CCDC73: variants seen among roughly 807,000 people sequenced by gnomAD.
CCDC73 encodes the protein coiled-coil domain containing 73.
Under a neutral mutation model 116.5 loss-of-function variants are expected in CCDC73, and 95 were observed. The observed-to-expected ratio is 0.82, with a 90% CI of 0.69 to 0.97. The LOEUF (loss-of-function observed/expected upper bound fraction) is 0.97, where lower values mean the gene tolerates loss of function less well. Ranked by LOEUF, CCDC73 falls within the 50% of genes least tolerant of loss-of-function variation. CCDC73 has a pLI of 0.00. For synonymous variants in CCDC73, 398 were observed against 401.3 expected (o/e 0.99, Z 0.10); for missense variants, 1,066 against 1,206.8 (o/e 0.88, Z 1.73).
intron 2 of CCDC73, among the ~76,000 whole-genome samples, chr11:32,757,208 T>C (rs1850351684): frequency 6.6e-6 from 1 of 152,034 alleles, no homozygotes; most frequent in Admixed American, 6.6e-5. Context: ...TACTGAATGA[T>C]TCCCTTTATA....
chr11:32,602,767 G>T lies in CCDC73; in HGVS notation c.*44C>A. On this transcript the variant is annotated 3_prime_UTR_variant, in exon 18 of 18. Transcript: ENST00000335185. ...TTTTATTCTAGTAAAAACTATACCA[G>T]AATTTCAGTTACATAATTTCACTAC... is the stretch of plus-strand genomic sequence containing the variant. 7.5e-7 allele frequency: 1 copy of T among 1,328,192 alleles called. No individual in the cohort carries two copies. The highest frequency in any genetic ancestry group is 1.0e-6 in the Non-Finnish European group (1 of 970,926). 82.3% of individuals were successfully genotyped at this position (1,328,192 alleles called of 1,614,324 possible).
Position 32,749,853 on chromosome 11 carries a change from C to G in CCDC73, c.135+10256G>C, listed in dbSNP as rs116320208. Among the ~76,000 whole-genome samples the G allele has an allele frequency of 1.4e-3, 214 of 151,042 alleles. 1 individual carries two copies. Among genetic ancestry groups the G allele is most frequent in the African/African-American group, 5.1e-3 (208 of 41,096 alleles). ...CTGAATTACCAAGCAGGGACTCATTCTCTCCTCTTACTTTTTTTTTTTTCT... is the reference window on the plus strand; with the variant it reads ...CTGAATTACCAAGCAGGGACTCATTGTCTCCTCTTACTTTTTTTTTTTTCT... On this transcript the variant is annotated intron_variant, in intron 2 of 17. Coordinates refer to ENST00000335185, the MANE Select transcript of CCDC73 (RefSeq NM_001008391.4).
the CCDC73 span, among the ~76,000 whole-genome samples, chr11:32,800,815 A>G: frequency 2.6e-5 from 4 of 152,368 alleles, no homozygotes; most frequent in South Asian, 4.1e-4. Context: ...CTGAGTAGAT[A>G]GTATAACCAT....
In CCDC73 at chr11:32,745,136, T is replaced by C. The variant is rs550792006; in HGVS notation, c.135+14973A>G. Among the ~76,000 whole-genome samples, 13 of 152,316 alleles carry C rather than the reference T, an allele frequency of 8.5e-5. No individual in the cohort carries two copies. The South Asian group carries it at 2.7e-3, about 32-fold the overall frequency. On this transcript the variant is annotated intron_variant, in intron 2 of 17. Transcript: ENST00000335185. The stretch of plus-strand genomic sequence containing the variant: ...TTCTCATTGGTTTCAAAGAACATCT[T>C]TATTTCTGCCTTCATTTCGTTATGG...
intron 9 of CCDC73, among the ~76,000 whole-genome samples, chr11:32,659,319 A>G (rs1855901141): frequency 6.6e-6 from 1 of 152,194 alleles, no homozygotes; most frequent in African/African-American, 2.4e-5. Context: ...GATGATCTAC[A>G]GGTAGTTGAA....
rs1554966618 is a variant in CCDC73, at chr11:32,718,154, C to A, written c.136-7G>T. ...CATAATGAATTTCTGCTTCCTAAGT[C>A]AAAAAGAAAAAGAAAAGTGCTATAA... is the stretch of plus-strand genomic sequence containing the variant. On this transcript the variant is annotated splice_region_variant and splice_polypyrimidine_tract_variant and intron_variant, in intron 2 of 17. Coordinates refer to ENST00000335185, the MANE Select transcript of CCDC73 (RefSeq NM_001008391.4). The A allele has an allele frequency of 1.3e-6, 2 of 1,578,246 alleles. No individual in the cohort carries two copies. Among genetic ancestry groups the A allele is most frequent in the South Asian group, 2.3e-5 (2 of 86,778 alleles).
In CCDC73 at chr11:32,769,707, C is replaced by G. The variant is rs549939565; in HGVS notation, c.-15-9449G>C. 7.9e-5 allele frequency among the ~76,000 whole-genome samples: 12 copies of G among 152,274 alleles called. No homozygotes were observed. The East Asian group carries it at 2.3e-3, about 29-fold the overall frequency. ...CAATCCACTAGACATCTCTATGACT[C>G]AGCAATTGCTCTCTTCCATGTATAT... On this transcript the variant is annotated intron_variant, in intron 1 of 17. Transcript: ENST00000335185.
intron 14 of CCDC73, among the ~76,000 whole-genome samples, chr11:32,620,809 G>A (rs1855517349): frequency 6.6e-6 from 1 of 151,896 alleles, no homozygotes; most frequent in Non-Finnish European, 1.5e-5. Context: ...AGGCTGTTTT[G>A]TCATCTATAA....
At chr11:32,814,262 G>C in the CCDC73 span, among the ~76,000 whole-genome samples, 2 of 152,322 alleles carry the variant, frequency 1.3e-5, no homozygotes, top group East Asian at 3.9e-4. Context: ...TAAGACAGTG[G>C]AAGATGGTGA....
At chr11:32,621,972 G>A (rs1312909603) in intron 14 of CCDC73, among the ~76,000 whole-genome samples, 4 of 152,078 alleles carry the variant, frequency 2.6e-5, no homozygotes, top group South Asian at 2.1e-4. Flanking sequence ...ACCATCTCAC[G>A]CCAAGTCAGA....
intron 7 of CCDC73, 46 bp downstream of exon 7, chr11:32,683,490 A>C: frequency 8.3e-7 from 1 of 1,204,900 alleles, no homozygotes; most frequent in Non-Finnish European, 1.2e-6. Flanking sequence ...CAATCCCCCT[A>C]AGTACTAATC....
rs545353788 is a variant in CCDC73 at position 32,663,922 on chromosome 11, C to A, written c.646-8950G>T. 3.3e-5 allele frequency among the ~76,000 whole-genome samples: 5 copies of A among 152,242 alleles called. No individual in the cohort carries two copies. In the East Asian group the frequency reaches 7.7e-4, roughly 24 times the overall value. On this transcript the variant is annotated intron_variant, in intron 9 of 17. Transcript: ENST00000335185. The stretch of plus-strand genomic sequence containing the variant: ...TGAATTTTGTCAAAGGCCTTTTGTG[C>A]ATCTATTGAGATAATCATGTGGTTT...
intron 2 of CCDC73, among the ~76,000 whole-genome samples, chr11:32,735,424 A>G (rs1004935096): frequency 2.8e-4 from 43 of 152,352 alleles, no homozygotes; most frequent in Non-Finnish European, 4.9e-4. Context: ...CAGTTGCTTC[A>G]AAGAGAATAA....
intron 7 of CCDC73, chr11:32,682,751 T>A (rs1482017613): frequency 1.3e-5 from 2 of 151,792 alleles, no homozygotes; most frequent in Admixed American, 1.3e-4. Flanking sequence ...GGGAAAAATA[T>A]CAAAGTAAAT....
At chr11:32,672,250 G>A (rs559873639) in intron 9 of CCDC73, among the ~76,000 whole-genome samples, 1 of 152,246 alleles carries the variant, frequency 6.6e-6, no homozygotes, top group East Asian at 1.9e-4. Context: ...GCTGAGGCAG[G>A]AGAATGGCTT....
At chr11:32,734,230 T>G (rs560103074) in intron 2 of CCDC73, among the ~76,000 whole-genome samples, 1 of 152,184 alleles carries the variant, frequency 6.6e-6, no homozygotes, top group African/African-American at 2.4e-5. Flanking sequence ...AGGAAGAAAT[T>G]GATCTCTGAA....
intron 9 of CCDC73, among the ~76,000 whole-genome samples, chr11:32,664,659 T>C (rs1855963509): frequency 6.6e-6 from 1 of 152,246 alleles, no homozygotes; most frequent in South Asian, 2.1e-4. Flanking sequence ...TTTGAAGGGT[T>C]TTTTATGTCT....
In CCDC73 at chr11:32,785,051, A is replaced by G. The variant is rs920200310; in HGVS notation, c.-16+9562T>C. 1.1e-4 allele frequency among the ~76,000 whole-genome samples: 16 copies of G among 152,224 alleles called. No homozygotes were observed. In the Middle Eastern group the frequency reaches 0.01, roughly 97 times the overall value. The stretch of plus-strand genomic sequence containing the variant: ...CGTGGTGGTGGGCGCCTGTAATCCC[A>G]GCTACTTGGGAGGCTGAGGCAGGAG... On this transcript the variant is annotated intron_variant, in intron 1 of 17. Coordinates refer to ENST00000335185, the MANE Select transcript of CCDC73 (RefSeq NM_001008391.4).
intron 2 of CCDC73, among the ~76,000 whole-genome samples, chr11:32,745,744 G>GTTTTT (rs1491140173): frequency 2.3e-5 from 1 of 42,686 alleles, no homozygotes; most frequent in East Asian, 6.8e-4. Context: ...TGTTTGTTTT[G>GTTTTT]GTTTTTTTTT....
Sources: gnomAD v4.1 joint callset for allele counts (sites outside exome capture counted in the v4.1 genomes callset) on GRCh38, gnomAD v4.1.1 for gene constraint, MANE v1.5 for transcripts, NCBI Gene and HGNC (gene_info 2026-07-23, HGNC 2026-07-21) for gene names.